The following DST variants were observed in gnomAD, a reference collection of about 807,000 sequenced individuals.
DST encodes dystonin, also known as bullous pemphigoid antigen.
Under a neutral mutation model 875.2 loss-of-function variants are expected in DST, and 253 were observed. The observed-to-expected ratio is 0.29, with a 90% CI of 0.26 to 0.32. The LOEUF is 0.32. Ranked by LOEUF, DST falls within the 10% of genes least tolerant of loss-of-function variation. The probability of loss-of-function intolerance (pLI) is 1.00; values close to 1 mark genes in which losing one functional copy is unlikely to be tolerated. For synonymous variants in DST, 3,124 were observed against 3,197.1 expected (o/e 0.98, Z 0.77); for missense variants, 8,287 against 9,111.6 (o/e 0.91, Z 3.68).
intron 4 of DST, among the ~76,000 whole-genome samples, chr6:56,767,332 A>C (rs1439870513): frequency 6.6e-6 from 1 of 152,088 alleles, no homozygotes; most frequent in African/African-American, 2.4e-5. Context: ...AAAAATAACA[A>C]GTGGCAGGGA....
At position 56,742,526 on chromosome 6, in the gene DST, G is replaced by C. The variant is rs1048506451; in HGVS notation, c.626-7237C>G. 8 of 369,942 alleles carry C rather than the reference G, an allele frequency of 2.2e-5. No homozygotes were observed. The Admixed American group carries it at 2.4e-4, about 11-fold the overall frequency. The allele number at this position is 369,942 out of a possible 1,614,324, so 22.9% of individuals were successfully genotyped here. A position where few individuals can be genotyped will look rare whatever the true frequency, so the allele number is the denominator to read the frequency against. On this transcript the variant is annotated intron_variant, in intron 4 of 103. Transcript: ENST00000680361. Reference sequence around the variant, plus strand: ...AAAGCCAGACTCCTCTACTATTTTTGTAGGGGATATATACAACTGTTACTA... The same window carrying C: ...AAAGCCAGACTCCTCTACTATTTTTCTAGGGGATATATACAACTGTTACTA...
At position 56,603,043 on chromosome 6, in the gene DST, A is replaced by C; in HGVS notation, c.11158-12T>G. 1 of 1,559,270 alleles carries C rather than the reference A, an allele frequency of 6.4e-7. No individual in the cohort carries two copies. Among genetic ancestry groups the C allele is most frequent in the Admixed American group, 2.1e-5 (1 of 47,340 alleles). ...ACTGCTAGTTTAGACTAGAAAAAAAAATTGTGCATTCAGTTATCTTTCCCC... is the reference window on the plus strand; with the variant it reads ...ACTGCTAGTTTAGACTAGAAAAAAACATTGTGCATTCAGTTATCTTTCCCC... On this transcript the variant is annotated splice_polypyrimidine_tract_variant and intron_variant, in intron 42 of 103. Transcript: ENST00000680361.
At position 56,573,036 on chromosome 6, in the gene DST, T is replaced by C. The variant is rs781435619; in HGVS notation, c.13265A>G (p.Gln4422Arg). The change falls in exon 52 of 104, where the codon CAG becomes CGG. Residue 4422 changes from glutamine to arginine, a missense_variant. Gln to Arg is a conservative substitution (Grantham distance 43). Transcript: ENST00000680361. ...IMLEQDIAGR[Q>R]SSINAMNEKV... Reference sequence around the variant, plus strand: ...TTCATTCATGGCATTTATACTGCTCTGACGACCTGCAATATCCTGTTCCAA... The same window carrying C: ...TTCATTCATGGCATTTATACTGCTCCGACGACCTGCAATATCCTGTTCCAA... The C allele has an allele frequency of 6.3e-6, 10 of 1,593,534 alleles. No individual in the cohort carries two copies. Among genetic ancestry groups the C allele is most frequent in the Non-Finnish European group, 7.7e-6 (9 of 1,170,430 alleles).
At chr6:56,792,167 T>C (rs1430774178) in intron 4 of DST, among the ~76,000 whole-genome samples, 1 of 152,086 alleles carries the variant, frequency 6.6e-6, no homozygotes, top group African/African-American at 2.4e-5. Context: ...CTGAGGTTTT[T>C]TTGTTTTTTT....
At chr6:56,835,466 A>AACT (rs2153066392) in intron 4 of DST, among the ~76,000 whole-genome samples, 1 of 152,286 alleles carries the variant, frequency 6.6e-6, no homozygotes, top group African/African-American at 2.4e-5. Flanking sequence ...AGTATATGGG[A>AACT]ACTATGTAGT....
intron 2 of DST, among the ~76,000 whole-genome samples, chr6:56,923,113 T>C (rs1805115031): frequency 6.6e-6 from 1 of 152,124 alleles, no homozygotes; most frequent in Non-Finnish European, 1.5e-5. Flanking sequence ...ATAAAGTTGA[T>C]TCCAAGAAAT....
At chr6:56,778,430 C>T (rs374866521) in intron 4 of DST, among the ~76,000 whole-genome samples, 4 of 148,376 alleles carry the variant, frequency 2.7e-5, no homozygotes, top group South Asian at 4.3e-4. Flanking sequence ...ATGTGCACAA[C>T]GTGCAGGTTA....
rs193252082 is a variant in DST, at chr6:56,515,593, G to T, written c.18433C>A (p.Arg6145=). The change falls in exon 72 of 104, where the codon CGG becomes AGG. Residue 6145 remains arginine (R), a synonymous_variant. Coordinates refer to ENST00000680361, the MANE Select transcript of DST (RefSeq NM_001374736.1). ...AATTGGTTAACCAGGGACTGTGCCC[G>T]TTCCAGCTGCAGATACCTTTCTGAA... ...INSERYLQLE[R]AQSLVNQFWE... is the part of the protein sequence containing the mutation. 8 of 1,613,798 alleles carry T rather than the reference G, an allele frequency of 5.0e-6. No homozygotes were observed. The highest frequency in any genetic ancestry group is 2.2e-5 in the East Asian group (1 of 44,860).
At chr6:56,721,432 A>G (rs1301146234) in intron 5 of DST, among the ~76,000 whole-genome samples, 2 of 152,250 alleles carry the variant, frequency 1.3e-5, no homozygotes, top group East Asian at 3.8e-4. Context: ...AGTGTCCATG[A>G]AATCTTCACA....
In DST at chr6:56,851,615, T is replaced by C; in HGVS notation, c.418-11A>G. The C allele has an allele frequency of 6.2e-7, 1 of 1,612,586 alleles. No individual in the cohort carries two copies. On this transcript the variant is annotated splice_polypyrimidine_tract_variant and intron_variant, in intron 3 of 103. Transcript: ENST00000680361. ...CGCGTTCCCGGAACTCTACAGAGAA[T>C]GACACAGAAAAAGCATTAACAGCAA...
At chr6:56,741,109 G>GATAAATTGGCTAATTACTTACCAA (rs2099545333) in intron 4 of DST, among the ~76,000 whole-genome samples, 1 of 152,128 alleles carries the variant, frequency 6.6e-6, no homozygotes, top group African/African-American at 2.4e-5. Flanking sequence ...AGATTCTATA[G>GATAAATTGGCTAATTACTTACCAA]ATAAATTGGC....
At chr6:56,461,919 G>A (rs576895578) in intron 102 of DST, 50 of 152,340 alleles carry the variant, frequency 3.3e-4, no homozygotes, top group African/African-American at 1.1e-3. Flanking sequence ...AAACGCTAAA[G>A]AATGGGTTGT....
chr6:56,464,546 G>A (rs1415090718), intron 100 of DST, 139 bp downstream of exon 100: 2 of 649,050 alleles, frequency 3.1e-6, no homozygotes, highest in Non-Finnish European at 5.4e-6. Context: ...AAATTTGGAA[G>A]CACCAGCTCA....
intron 80 of DST, 70 bp from the exon 81 acceptor site, chr6:56,498,123 T>G (rs1022800566): frequency 1.4e-6 from 2 of 1,436,268 alleles, no homozygotes; most frequent in Non-Finnish European, 1.9e-6. Flanking sequence ...ATGCAATTGT[T>G]TTCCTTTCTG....
chr6:56,733,087 G>GAGA, intron 5 of DST, among the ~76,000 whole-genome samples: 1 of 152,210 alleles, frequency 6.6e-6, no homozygotes, highest in Middle Eastern at 3.4e-3. Context: ...GAATGTGTGG[G>GAGA]AGAAGAAGAA....
intron 4 of DST, among the ~76,000 whole-genome samples, chr6:56,847,992 C>T (rs35080938): frequency 0.12 from 18,432 of 152,146 alleles, 1,564 homozygotes; most frequent in Non-Finnish European, 0.18. Context: ...CTGAGGTATC[C>T]ACCACCTTAA....
At chr6:56,742,257 G>A (rs1462868247) in intron 4 of DST, 3 of 1,272,348 alleles carry the variant, frequency 2.4e-6, no homozygotes, top group Non-Finnish European at 3.1e-6. Flanking sequence ...GATAGTATAT[G>A]TGATACTACT....
intron 55 of DST, among the ~76,000 whole-genome samples, chr6:56,565,407 C>CCA (rs1249408005): frequency 2.0e-5 from 3 of 152,146 alleles, no homozygotes; most frequent in Non-Finnish European, 2.9e-5. Context: ...GCATCAGCCA[C>CCA]CACGCCCGGC....
chr6:56,565,772 T>A (rs2097665739), intron 55 of DST, among the ~76,000 whole-genome samples: 1 of 152,156 alleles, frequency 6.6e-6, no homozygotes, highest in Non-Finnish European at 1.5e-5. Flanking sequence ...GGCAGGGATG[T>A]TTAAGTCTGC....
Sources: gnomAD v4.1 joint callset for allele counts (sites outside exome capture counted in the v4.1 genomes callset) on GRCh38, gnomAD v4.1.1 for gene constraint, MANE v1.5 for transcripts, NCBI Gene and HGNC (gene_info 2026-07-23, HGNC 2026-07-21) for gene names.